The following ASIC2 variants were observed in gnomAD, a reference collection of about 807,000 sequenced individuals.
ASIC2 encodes acid sensing ion channel subunit 2, also known as acid-sensing ion channel 2.
A neutral mutation model predicts 57.3 loss-of-function variants in ASIC2; 25 were observed. That is an observed-to-expected ratio of 0.44 (90% CI 0.32 to 0.61). ASIC2 has a LOEUF of 0.61. ASIC2 is among the 20% of genes least tolerant of loss of function. The pLI, the probability that ASIC2 is intolerant of heterozygous loss-of-function variation, is 0.06. For synonymous variants in ASIC2, 319 were observed against 307.5 expected, an observed-to-expected ratio of 1.04 and a Z score of -0.39; for missense variants, 641 against 738.1, an observed-to-expected ratio of 0.87 and a Z score of 1.52.
intron 1 of ASIC2, among the ~76,000 whole-genome samples, chr17:33,734,190 C>G (rs980882056): frequency 2.6e-5 from 4 of 152,024 alleles, no homozygotes; most frequent in African/African-American, 7.2e-5. Flanking sequence ...CTCCAGTGCT[C>G]CCGTGTGAGG....
chr17:33,445,692 G>A (rs1240731173), intron 1 of ASIC2, among the ~76,000 whole-genome samples: 5 of 151,798 alleles, frequency 3.3e-5, no homozygotes, highest in African/African-American at 1.2e-4. Flanking sequence ...AGCTACTCGA[G>A]AGGCTGAGGC....
intron 1 of ASIC2, among the ~76,000 whole-genome samples, chr17:33,992,421 T>A (rs1350333247): frequency 6.6e-6 from 1 of 152,202 alleles, no homozygotes; most frequent in Non-Finnish European, 1.5e-5. Flanking sequence ...TCATCGAAAC[T>A]CAGCTTCCTT....
At chr17:33,547,822 T>C (rs57177930) in intron 1 of ASIC2, among the ~76,000 whole-genome samples, 14,212 of 152,122 alleles carry the variant, frequency 0.093, 1,742 homozygotes, top group African/African-American at 0.28. Context: ...GCTAGACCAG[T>C]CTCCCCACCT....
At chr17:34,083,362 T>C (rs1349943884) in intron 1 of ASIC2, among the ~76,000 whole-genome samples, 2 of 152,028 alleles carry the variant, frequency 1.3e-5, no homozygotes, top group Non-Finnish European at 2.9e-5. Context: ...TCATCATTTT[T>C]TATGGCTGCA....
intron 1 of ASIC2, among the ~76,000 whole-genome samples, chr17:33,258,318 T>A (rs936861495): frequency 9.9e-5 from 15 of 152,186 alleles, no homozygotes; most frequent in African/African-American, 3.6e-4. Context: ...TACATTCTAC[T>A]GAGGGCTGGG....
intron 1 of ASIC2, among the ~76,000 whole-genome samples, chr17:33,777,018 A>C (rs1374185254): frequency 6.6e-6 from 1 of 152,026 alleles, no homozygotes; most frequent in Non-Finnish European, 1.5e-5. Flanking sequence ...CATTACCACC[A>C]AGCCGATGTC....
At chr17:33,244,759 G>A (rs1306347794) in intron 1 of ASIC2, among the ~76,000 whole-genome samples, 1 of 152,178 alleles carries the variant, frequency 6.6e-6, no homozygotes, top group Non-Finnish European at 1.5e-5. Flanking sequence ...ACAAGGCGTG[G>A]TCTGACCACT....
In ASIC2 at chr17:34,020,297, G is replaced by A. The variant is rs372894451; in HGVS notation, c.555+135681C>T. On this transcript the variant is annotated intron_variant, in intron 1 of 9. Coordinates refer to the ASIC2 transcript ENST00000359872. ...TGAATAAATGGCTCCACTCCGCCTG[G>A]CAGCCTCTTTACTCTAACTGCCTTG... is the stretch of plus-strand genomic sequence containing the variant. 2.0e-5 allele frequency among the ~76,000 whole-genome samples: 3 copies of A among 152,250 alleles called. No homozygotes were observed. The East Asian group carries it at 5.8e-4, about 29-fold the overall frequency.
chr17:33,251,771 G>C (rs1908893177), intron 1 of ASIC2, among the ~76,000 whole-genome samples: 1 of 152,166 alleles, frequency 6.6e-6, no homozygotes. Flanking sequence ...CAGCTAATAA[G>C]ATGATAGTTT....
chr17:33,768,525 T>C (rs1597868386), intron 1 of ASIC2, among the ~76,000 whole-genome samples: 1 of 152,068 alleles, frequency 6.6e-6, no homozygotes, highest in East Asian at 1.9e-4. Flanking sequence ...TTTCTATCCG[T>C]TGGAAATTCG....
chr17:33,658,727 G>A (rs970502944), intron 1 of ASIC2, among the ~76,000 whole-genome samples: 11 of 152,250 alleles, frequency 7.2e-5, no homozygotes, highest in East Asian at 1.9e-4. Context: ...CTGGAGCTGC[G>A]GCTCACACCT....
intron 1 of ASIC2, among the ~76,000 whole-genome samples, chr17:33,628,228 G>A (rs1906048169): frequency 6.6e-6 from 1 of 151,684 alleles, no homozygotes; most frequent in East Asian, 1.9e-4. Flanking sequence ...TTTCTTCCAA[G>A]TTCTTTCTGA....
At chr17:33,688,704 A>G (rs1239926678) in intron 1 of ASIC2, 1 of 152,226 alleles carries the variant, frequency 6.6e-6, no homozygotes, top group East Asian at 1.9e-4. Flanking sequence ...TATGAATCTG[A>G]GTACATTTCT....
At chr17:33,467,340 C>G (rs1504570) in intron 1 of ASIC2, among the ~76,000 whole-genome samples, 123,399 of 152,184 alleles carry the variant, frequency 0.81, 50,474 homozygotes, top group African/African-American at 0.92. Context: ...GCTTTAAAAG[C>G]TGAGAAAATT....
chr17:33,493,664 A>G (rs1913833568), intron 1 of ASIC2, among the ~76,000 whole-genome samples: 1 of 151,966 alleles, frequency 6.6e-6, no homozygotes, highest in Admixed American at 6.5e-5. Flanking sequence ...CTTCTATTTT[A>G]GCTGTGTCCT....
rs567982346 is a variant in ASIC2 at position 33,309,794 on chromosome 17, T to C, written c.556-197727A>G. On this transcript the variant is annotated intron_variant, in intron 1 of 9. Coordinates refer to the ASIC2 transcript ENST00000359872. ...CTATATCTGTGTCCCCAGCAGACAG[T>C]GTGATCTTAGAGCACATTTTATTCT... Among the ~76,000 whole-genome samples, 148 of 151,858 alleles carry C rather than the reference T, an allele frequency of 9.7e-4. 1 individual carries two copies. Among genetic ancestry groups the C allele is most frequent in the African/African-American group, 3.4e-3 (141 of 41,358 alleles).
chr17:33,523,749 G>C (rs1211386113), intron 1 of ASIC2, among the ~76,000 whole-genome samples: 2 of 152,100 alleles, frequency 1.3e-5, no homozygotes, highest in Non-Finnish European at 2.9e-5. Context: ...TCTGTGCTTG[G>C]AAAGGCCCTC....
At chr17:33,966,934 A>C (rs1458152673) in intron 1 of ASIC2, among the ~76,000 whole-genome samples, 4 of 151,790 alleles carry the variant, frequency 2.6e-5, no homozygotes, top group Non-Finnish European at 5.9e-5. Context: ...TCTTCCTCCT[A>C]GCCCAAATGT....
intron 1 of ASIC2, among the ~76,000 whole-genome samples, chr17:33,675,525 C>T (rs114472531): frequency 0.022 from 3,273 of 152,180 alleles, 112 homozygotes; most frequent in African/African-American, 0.073. Context: ...TTCACGGCCT[C>T]CCACATTTGC....
Sources: gnomAD v4.1 joint callset for allele counts (sites outside exome capture counted in the v4.1 genomes callset) on GRCh38, gnomAD v4.1.1 for gene constraint, MANE v1.5 for transcripts, NCBI Gene and HGNC (gene_info 2026-07-23, HGNC 2026-07-21) for gene names.